DENND1B: variants seen among roughly 807,000 people sequenced by gnomAD.
DENND1B encodes DENN domain-containing protein 1B.
DENND1B carries 59 observed loss-of-function variants against 90.1 expected under a neutral mutation model. That is an observed-to-expected ratio of 0.65 (90% CI 0.53 to 0.81). The LOEUF (loss-of-function observed/expected upper bound fraction) is 0.81. DENND1B is among the 40% of genes least tolerant of loss of function. The pLI is 0.00. For synonymous variants in DENND1B, 337 were observed against 324.6 expected (o/e 1.04, Z -0.41); for missense variants, 862 against 912.6 (o/e 0.94, Z 0.71).
At chr1:197,548,640 T>C (rs764548442) in intron 16 of DENND1B, among the ~76,000 whole-genome samples, 24 of 152,168 alleles carry the variant, frequency 1.6e-4, no homozygotes, top group Non-Finnish European at 3.1e-4. Context: ...TCTAGGAATT[T>C]AATCCCCGGT....
chr1:197,733,353 T>C (rs1405330138), intron 2 of DENND1B, among the ~76,000 whole-genome samples: 3 of 152,214 alleles, frequency 2.0e-5, no homozygotes, highest in African/African-American at 7.2e-5. Context: ...CCTGTTTTTA[T>C]AAACACAGCA....
At chr1:197,723,936 G>A (rs979940169) in intron 2 of DENND1B, among the ~76,000 whole-genome samples, 1 of 152,086 alleles carries the variant, frequency 6.6e-6, no homozygotes, top group Non-Finnish European at 1.5e-5. Flanking sequence ...CAGTCTTAAT[G>A]TGAAACTTCA....
At position 197,665,653 on chromosome 1, in the gene DENND1B, C is replaced by A. The variant is rs1039258407; in HGVS notation, c.296+6384G>T. On this transcript the variant is annotated intron_variant, in intron 5 of 22. Transcript: ENST00000620048. The stretch of plus-strand genomic sequence containing the variant: ...TATCAATTTGTACTGTTTTACTTTA[C>A]TTTGACTTGAAATATCTTAAAGCTT... Among the ~76,000 whole-genome samples, 5 of 152,024 alleles carry A rather than the reference C, an allele frequency of 3.3e-5. No homozygotes were observed. In the South Asian group the frequency reaches 6.2e-4, roughly 19 times the overall value.
chr1:197,705,929 C>A (rs1475786659), intron 3 of DENND1B, among the ~76,000 whole-genome samples: 2 of 152,056 alleles, frequency 1.3e-5, no homozygotes, highest in Non-Finnish European at 2.9e-5. Context: ...TTATGTGAAA[C>A]CATGGTCAAA....
intron 5 of DENND1B, among the ~76,000 whole-genome samples, chr1:197,666,121 T>C (rs994450557): frequency 4.6e-5 from 7 of 152,160 alleles, no homozygotes; most frequent in Middle Eastern, 3.2e-3. Flanking sequence ...ATATAACCTA[T>C]ATTCAGAAGG....
At chr1:197,545,232 C>T (rs377545492) in intron 18 of DENND1B, among the ~76,000 whole-genome samples, 2 of 151,930 alleles carry the variant, frequency 1.3e-5, no homozygotes, top group South Asian at 2.1e-4. Flanking sequence ...TGATGAAACC[C>T]CGTTTCTACT....
intron 16 of DENND1B, among the ~76,000 whole-genome samples, chr1:197,551,280 G>A (rs1384484176): frequency 6.6e-6 from 1 of 152,040 alleles, no homozygotes; most frequent in Non-Finnish European, 1.5e-5. Context: ...AATAATGCTT[G>A]ACAGGCACAA....
intron 20 of DENND1B, among the ~76,000 whole-genome samples, chr1:197,538,545 T>C (rs1425307561): frequency 6.6e-6 from 1 of 152,070 alleles, no homozygotes; most frequent in Non-Finnish European, 1.5e-5. Flanking sequence ...CTCAGTATGT[T>C]ACAAAAACAG....
At chr1:197,734,164 T>C in intron 2 of DENND1B, 2 of 900,504 alleles carry the variant, frequency 2.2e-6, no homozygotes, top group Non-Finnish European at 2.7e-6. Flanking sequence ...TTTAAAATAT[T>C]GAACAGAAGA....
At position 197,652,273 on chromosome 1, in the gene DENND1B, G is replaced by C. The variant is rs1452193535; in HGVS notation, c.409C>G (p.Pro137Ala). The change falls in exon 7 of 23, where the codon CCA becomes GCA. Residue 137 changes from proline (P) to alanine (A), a missense_variant. Transcript: ENST00000620048. Reference sequence around the variant, plus strand: ...ACAGGAGTATTTGCCTTTGGTACTGGGTGGTTATACAGTGATCTGAGAGTT... The same window carrying C: ...ACAGGAGTATTTGCCTTTGGTACTGCGTGGTTATACAGTGATCTGAGAGTT... ...NETLRSLYNH[P>A]VPKANTPVNL... 1 of 1,611,108 alleles carries C rather than the reference G, an allele frequency of 6.2e-7. No individual in the cohort carries two copies. The highest frequency in any genetic ancestry group is 1.3e-5 in the African/African-American group (1 of 74,610).
Position 197,699,977 on chromosome 1 carries a change from A to G in DENND1B, c.126+15054T>C, listed in dbSNP as rs575852594. Among the ~76,000 whole-genome samples the G allele has an allele frequency of 4.6e-5, 7 of 152,322 alleles. No individual in the cohort carries two copies. In the South Asian group the frequency reaches 1.0e-3, roughly 23 times the overall value. On this transcript the variant is annotated intron_variant, in intron 3 of 22. Coordinates refer to ENST00000620048, the MANE Select transcript of DENND1B (RefSeq NM_001195215.2). ...AATAAGAGAGGACACAAACAAACGG[A>G]AAAGCATTCCATCCTCATGAATAGG...
At chr1:197,516,147 CAATTA>C (rs1162697274) in intron 20 of DENND1B, among the ~76,000 whole-genome samples, 6 of 151,798 alleles carry the variant, frequency 4.0e-5, no homozygotes, top group Non-Finnish European at 7.4e-5. Context: ...TTTAACACTA[CAATTA>C]AATTATAAAC....
intron 2 of DENND1B, among the ~76,000 whole-genome samples, chr1:197,722,087 A>C (rs79036694): frequency 0.033 from 5,064 of 152,198 alleles, 284 homozygotes; most frequent in African/African-American, 0.11. Flanking sequence ...TCTTGCTGTA[A>C]TGTCTTACAA....
At chr1:197,781,616 A>G in the DENND1B span, among the ~76,000 whole-genome samples, 1 of 152,188 alleles carries the variant, frequency 6.6e-6, no homozygotes, top group Non-Finnish European at 1.5e-5. Flanking sequence ...AAATACTTTT[A>G]AAATAAAGAG....
chr1:197,704,916 C>A (rs540110599), intron 3 of DENND1B, among the ~76,000 whole-genome samples: 84 of 152,150 alleles, frequency 5.5e-4, no homozygotes, highest in Non-Finnish European at 1.1e-3. Context: ...CAAATCTTAG[C>A]TCTGCCTCTT....
chr1:197,697,911 T>G (rs2102134437), intron 3 of DENND1B, among the ~76,000 whole-genome samples: 1 of 152,184 alleles, frequency 6.6e-6, no homozygotes, highest in Non-Finnish European at 1.5e-5. Flanking sequence ...GCACCCAGAT[T>G]CATACAACAA....
intron 2 of DENND1B, among the ~76,000 whole-genome samples, chr1:197,768,638 G>A (rs1003943705): frequency 6.6e-6 from 1 of 151,882 alleles, no homozygotes; most frequent in Admixed American, 6.6e-5. Context: ...TTGGACAGCT[G>A]GAGCAGAAGT....
At chr1:197,747,263 C>T in intron 2 of DENND1B, 1 of 626,024 alleles carries the variant, frequency 1.6e-6, no homozygotes, top group Non-Finnish European at 3.0e-6. Context: ...TCTTCATAGG[C>T]ATTTACATTC....
At position 197,678,236 on chromosome 1, in the gene DENND1B, T is replaced by C. The variant is rs1010663553; in HGVS notation, c.127-4067A>G. ...AGAAATACGAGTGAAGTATATTATATTTTATTTCTTAAGAATCCTCATAAT... is the reference window on the plus strand; with the variant it reads ...AGAAATACGAGTGAAGTATATTATACTTTATTTCTTAAGAATCCTCATAAT... On this transcript the variant is annotated intron_variant, in intron 3 of 22. Coordinates refer to ENST00000620048, the MANE Select transcript of DENND1B (RefSeq NM_001195215.2). 4.6e-5 allele frequency among the ~76,000 whole-genome samples: 7 copies of C among 152,210 alleles called. No homozygotes were observed. The South Asian group carries it at 1.4e-3, about 32-fold the overall frequency.
Sources: allele counts gnomAD v4.1 joint callset (sites outside exome capture counted in the v4.1 genomes callset), GRCh38; gene constraint gnomAD v4.1.1; transcripts MANE v1.5; gene names NCBI Gene and HGNC (gene_info 2026-07-23, HGNC 2026-07-21).